The following SYCP2L variants were observed in gnomAD, a reference collection of about 807,000 sequenced individuals.
SYCP2L encodes synaptonemal complex protein 2 like.
A neutral mutation model predicts 125.8 loss-of-function variants in SYCP2L; 98 were observed. The ratio of observed to expected loss-of-function variants is 0.78; its 90% confidence interval spans 0.66 to 0.92. SYCP2L has a LOEUF of 0.92. Among genes scored for constraint, SYCP2L ranks in the 40% least tolerant of loss-of-function variants. SYCP2L has a pLI of 0.00. For synonymous variants in SYCP2L, 317 were observed against 325.4 expected (o/e 0.97, Z 0.28); for missense variants, 842 against 936.4 (o/e 0.90, Z 1.32).
intron 24 of SYCP2L, among the ~76,000 whole-genome samples, chr6:10,955,902 C>G (rs1159796463): frequency 6.6e-6 from 1 of 152,168 alleles, no homozygotes; most frequent in Non-Finnish European, 1.5e-5. Flanking sequence ...CCTATTACAA[C>G]ACCTTGGCCT....
chr6:10,959,902 A>C (rs1781569749), intron 26 of SYCP2L, among the ~76,000 whole-genome samples: 1 of 151,828 alleles, frequency 6.6e-6, no homozygotes, highest in Non-Finnish European at 1.5e-5. Flanking sequence ...AGAAAAGAAA[A>C]CACCATACAC....
chr6:10,967,087 GATGAA>G (rs1264628882), intron 29 of SYCP2L, among the ~76,000 whole-genome samples: 32 of 152,140 alleles, frequency 2.1e-4, no homozygotes, highest in African/African-American at 7.7e-4. Flanking sequence ...TGAAAACTTA[GATGAA>G]ATGAACAATT....
intron 6 of SYCP2L, among the ~76,000 whole-genome samples, chr6:10,901,990 C>T (rs1780382345): frequency 6.6e-6 from 1 of 152,224 alleles, no homozygotes; most frequent in South Asian, 2.1e-4. Context: ...GAAAGTTTCA[C>T]TTTCCTCAAC....
intron 21 of SYCP2L, among the ~76,000 whole-genome samples, chr6:10,941,865 T>C (rs1244839592): frequency 6.6e-6 from 1 of 152,152 alleles, no homozygotes; most frequent in African/African-American, 2.4e-5. Context: ...GTATATTTAT[T>C]GTGGCACTAT....
At chr6:10,921,959 G>A (rs140008228) in intron 14 of SYCP2L, among the ~76,000 whole-genome samples, 5,341 of 152,206 alleles carry the variant, frequency 0.035, 127 homozygotes, top group Non-Finnish European at 0.05. Context: ...GCCCGCCTCG[G>A]CCTCCCAAAG....
Position 10,944,175 on chromosome 6 carries a change from G to C in SYCP2L, c.1954+1429G>C, listed in dbSNP as rs536995393. 2.6e-5 allele frequency among the ~76,000 whole-genome samples: 4 copies of C among 152,272 alleles called. No homozygotes were observed. The South Asian group carries it at 8.3e-4, about 32-fold the overall frequency. Reference sequence around the variant, plus strand: ...ACTTTTCCACCAGCCGTATATGAGAGTCCTGTTGCTTTACATCCTCACCAA... The same window carrying C: ...ACTTTTCCACCAGCCGTATATGAGACTCCTGTTGCTTTACATCCTCACCAA... On this transcript the variant is annotated intron_variant, in intron 23 of 29. Transcript: ENST00000283141.
At chr6:10,901,917 C>T (rs1305289148) in intron 6 of SYCP2L, among the ~76,000 whole-genome samples, 1 of 152,228 alleles carries the variant, frequency 6.6e-6, no homozygotes, top group Non-Finnish European at 1.5e-5. Flanking sequence ...AGTCTTTGCT[C>T]TCAATGTGGT....
intron 23 of SYCP2L, among the ~76,000 whole-genome samples, chr6:10,947,147 G>C (rs1365841283): frequency 6.6e-6 from 1 of 151,832 alleles, no homozygotes; most frequent in Non-Finnish European, 1.5e-5. Context: ...GTTCTTTCTA[G>C]AGCTACTAGG....
intron 6 of SYCP2L, among the ~76,000 whole-genome samples, chr6:10,901,847 G>C (rs1467769068): frequency 6.6e-6 from 1 of 152,232 alleles, no homozygotes; most frequent in South Asian, 2.1e-4. Context: ...TTTGGAAATA[G>C]CGTGGCTCCG....
At chr6:10,904,056 A>G (rs1470263510) in intron 8 of SYCP2L, among the ~76,000 whole-genome samples, 2 of 152,196 alleles carry the variant, frequency 1.3e-5, no homozygotes, top group African/African-American at 4.8e-5. Flanking sequence ...TCAAAGTAAT[A>G]CTACTTGATA....
At chr6:10,948,235 A>G (rs1781349772) in intron 23 of SYCP2L, among the ~76,000 whole-genome samples, 1 of 152,106 alleles carries the variant, frequency 6.6e-6, no homozygotes, top group Non-Finnish European at 1.5e-5. Context: ...GCCAATTTCA[A>G]GTACATATAC....
chr6:10,928,595 G>A (rs918240440), intron 18 of SYCP2L, 145 bp downstream of exon 18: 57 of 1,195,846 alleles, frequency 4.8e-5, no homozygotes, highest in Admixed American at 1.2e-4. Context: ...ACAAGGCCTT[G>A]TTCTGTCATC....
chr6:10,973,259 A>G (rs1201887602), intron 29 of SYCP2L, among the ~76,000 whole-genome samples: 1 of 152,200 alleles, frequency 6.6e-6, no homozygotes, highest in Non-Finnish European at 1.5e-5. Flanking sequence ...TAGGTGGGGC[A>G]TGGTGGCTCA....
intron 2 of SYCP2L, 140 bp from the exon 3 acceptor site, chr6:10,893,727 T>G: frequency 2.0e-6 from 2 of 994,440 alleles, no homozygotes; most frequent in Non-Finnish European, 2.9e-6. Context: ...TTGTTTACTA[T>G]TCAAGATAGA....
At chr6:10,949,447 CAG>C (rs1781371737) in intron 23 of SYCP2L, among the ~76,000 whole-genome samples, 1 of 151,484 alleles carries the variant, frequency 6.6e-6, no homozygotes, top group Non-Finnish European at 1.5e-5. Context: ...GCAACATAGT[CAG>C]AGAAACACAG....
At chr6:10,907,892 G>GTTTTTTTGTTTTTTTTTTTTTTTTTTTT (rs1780526784) in intron 10 of SYCP2L, among the ~76,000 whole-genome samples, 4 of 91,922 alleles carry the variant, frequency 4.4e-5, no homozygotes, top group Non-Finnish European at 8.1e-5. Context: ...ATACAGATAG[G>GTTTTTTTGTTTTTTTTTTTTTTTTTTTT]TTTTTTTTTT....
At chr6:10,889,157 G>A (rs35126712) in intron 1 of SYCP2L, among the ~76,000 whole-genome samples, 15,322 of 152,226 alleles carry the variant, frequency 0.1, 1,232 homozygotes, top group African/African-American at 0.22. Context: ...ACTGCGCCTG[G>A]CCTAACACCC....
At chr6:10,916,196 T>G (rs1021544516) in intron 14 of SYCP2L, among the ~76,000 whole-genome samples, 1 of 152,204 alleles carries the variant, frequency 6.6e-6, no homozygotes, top group Non-Finnish European at 1.5e-5. Flanking sequence ...CTGAGTTTAT[T>G]TGGATTTTCT....
intron 17 of SYCP2L, among the ~76,000 whole-genome samples, chr6:10,927,736 C>T (rs1020207220): frequency 1.4e-4 from 21 of 152,084 alleles, no homozygotes; most frequent in Admixed American, 3.3e-4. Flanking sequence ...TGAGAGCAAC[C>T]GGTCTGACCA....
Sources: gnomAD v4.1 joint callset for allele counts (sites outside exome capture counted in the v4.1 genomes callset) on GRCh38, gnomAD v4.1.1 for gene constraint, MANE v1.5 for transcripts, NCBI Gene and HGNC (gene_info 2026-07-23, HGNC 2026-07-21) for gene names.